The following ANKRD17 variants were observed in gnomAD, a reference collection of about 807,000 sequenced individuals.
ANKRD17 encodes the protein ankyrin repeat domain-containing protein 17.
A neutral mutation model predicts 229.7 loss-of-function variants in ANKRD17; 19 were observed. That is an observed-to-expected ratio of 0.08 (90% CI 0.06 to 0.12). The LOEUF is 0.12. ANKRD17 is among the 10% of genes least tolerant of loss of function. The pLI is 1.00. For missense variants in ANKRD17, 2,176 were observed against 3,176.8 expected, an observed-to-expected ratio of 0.68 and a Z score of 7.57; for synonymous variants, 1,112 against 1,146.1, an observed-to-expected ratio of 0.97 and a Z score of 0.60.
chr4:73,084,913 G>C (rs555242130), intron 30 of ANKRD17, among the ~76,000 whole-genome samples: 6 of 152,046 alleles, frequency 3.9e-5, no homozygotes, highest in Non-Finnish European at 8.8e-5. Context: ...GACAGGTGTG[G>C]TGGCTCACAC....
chr4:73,187,741 T>C (rs1222031846), intron 1 of ANKRD17, among the ~76,000 whole-genome samples: 2 of 152,348 alleles, frequency 1.3e-5, no homozygotes, highest in East Asian at 3.9e-4. Flanking sequence ...TTGTTCCAGA[T>C]GCCAAGAACC....
chr4:73,125,745 A>AAAAAG (rs71215488), intron 16 of ANKRD17, among the ~76,000 whole-genome samples: 48,626 of 143,648 alleles, frequency 0.34, 8,860 homozygotes, highest in South Asian at 0.44. Flanking sequence ...AAAAAAAAAA[A>AAAAAG]AAAAGAAAAG....
intron 1 of ANKRD17, among the ~76,000 whole-genome samples, chr4:73,226,861 C>T (rs1019541466): frequency 1.3e-5 from 2 of 151,996 alleles, no homozygotes; most frequent in South Asian, 2.1e-4. Context: ...ACTACAGGCA[C>T]GTGCCACAAT....
At chr4:73,254,143 C>A (rs1008803859) in intron 1 of ANKRD17, among the ~76,000 whole-genome samples, 3 of 152,282 alleles carry the variant, frequency 2.0e-5, no homozygotes, top group Admixed American at 6.5e-5. Flanking sequence ...ATTTAGATAG[C>A]ACTTTTCCAA....
In ANKRD17 at chr4:73,082,156, T is replaced by A. The variant is rs1286719109; in HGVS notation, c.7159+3093A>T. ...CAGAGAGATACATTATCTTTTTATT[T>A]AAAAAAAAAAAAAAAAAAAGGGGGG... On this transcript the variant is annotated intron_variant, in intron 30 of 33. Transcript: ENST00000358602. Among the ~76,000 whole-genome samples the A allele has an allele frequency of 1.8e-4, 23 of 129,074 alleles. No individual in the cohort carries two copies. In the South Asian group the frequency reaches 5.5e-3, roughly 31 times the overall value. The allele number at this position is 129,074 out of a possible 152,430, so 84.7% of individuals were successfully genotyped here.
chr4:73,169,832 A>T (rs1342405515), intron 2 of ANKRD17, among the ~76,000 whole-genome samples: 1 of 152,208 alleles, frequency 6.6e-6, no homozygotes, highest in Non-Finnish European at 1.5e-5. Context: ...CGGAGAGCAG[A>T]AACAGGCTGA....
chr4:73,101,523 G>A (rs10006547), intron 25 of ANKRD17, among the ~76,000 whole-genome samples: 68,580 of 151,642 alleles, frequency 0.45, 15,750 homozygotes, highest in Admixed American at 0.53. Flanking sequence ...AAATTAGGGG[G>A]ACATGGTGGC....
chr4:73,185,368 G>A lies in ANKRD17; in HGVS notation c.394-7835C>T, dbSNP rs375057912. The stretch of plus-strand genomic sequence containing the variant: ...ACTGAATCTCAAAAGCTGGTAATCT[G>A]AATTTTAAACCAGTAATCTACATTT... On this transcript the variant is annotated intron_variant, in intron 1 of 33. Coordinates refer to ENST00000358602, the MANE Select transcript of ANKRD17 (RefSeq NM_032217.5). Among the ~76,000 whole-genome samples the A allele has an allele frequency of 2.0e-5, 3 of 151,832 alleles. No individual in the cohort carries two copies. The East Asian group carries it at 5.8e-4, about 29-fold the overall frequency.
At chr4:73,086,934 A>C (rs1295827367) in intron 29 of ANKRD17, among the ~76,000 whole-genome samples, 1 of 75,762 alleles carries the variant, frequency 1.3e-5, no homozygotes, top group East Asian at 4.5e-4. Flanking sequence ...ATATATATAT[A>C]TATATATATA....
intron 1 of ANKRD17, among the ~76,000 whole-genome samples, chr4:73,208,324 T>G (rs997666457): frequency 1.3e-5 from 2 of 152,064 alleles, no homozygotes; most frequent in African/African-American, 4.8e-5. Flanking sequence ...ATAAACCATA[T>G]TCTGGGGCAT....
chr4:73,235,537 T>C (rs1482905037), intron 1 of ANKRD17, among the ~76,000 whole-genome samples: 1 of 152,234 alleles, frequency 6.6e-6, no homozygotes, highest in Non-Finnish European at 1.5e-5. Flanking sequence ...TTCAGAATTA[T>C]GACTTAATTC....
Position 73,258,566 on chromosome 4 carries a change from C to T in ANKRD17, c.103G>A (p.Val35Ile). The T allele has an allele frequency of 1.4e-6, 2 of 1,462,530 alleles. 1 individual carries two copies. Among genetic ancestry groups the T allele is most frequent in the South Asian group, 2.8e-5 (2 of 72,478 alleles). 90.6% of individuals were successfully genotyped at this position (1,462,530 alleles called of 1,614,324 possible). Residue 35 changes from valine to isoleucine, a missense_variant, in exon 1 of 34, where the codon GTC becomes ATC. Coordinates refer to ENST00000358602, the MANE Select transcript of ANKRD17 (RefSeq NM_032217.5). ...CTGCTGCCGCCAACGCCGCCGCCGA[C>T]CTCCGCCGCCGCGGGGGGGCCCGCC... ...AVAGPPAAAE[V>I]GGGVGGSSRA...
chr4:73,086,164 A>G (rs1374973219), intron 29 of ANKRD17, among the ~76,000 whole-genome samples: 4 of 152,222 alleles, frequency 2.6e-5, no homozygotes, highest in Admixed American at 2.6e-4. Context: ...TTTCCTTTAC[A>G]TGGGCTTTCT....
chr4:73,175,382 C>T (rs537513732), intron 2 of ANKRD17, among the ~76,000 whole-genome samples: 62 of 152,292 alleles, frequency 4.1e-4, no homozygotes, highest in African/African-American at 1.5e-3. Flanking sequence ...CCTCCCTTGA[C>T]ACATGGGGAT....
At chr4:73,168,211 G>C (rs1733496802) in intron 2 of ANKRD17, among the ~76,000 whole-genome samples, 2 of 151,908 alleles carry the variant, frequency 1.3e-5, no homozygotes, top group East Asian at 3.9e-4. Flanking sequence ...AAGCATTATT[G>C]AACAGTATTA....
At chr4:73,160,321 C>T (rs769005330) in intron 3 of ANKRD17, among the ~76,000 whole-genome samples, 39 of 148,468 alleles carry the variant, frequency 2.6e-4, no homozygotes, top group Non-Finnish European at 5.0e-4. Flanking sequence ...CAGGTTCAAG[C>T]GATTCTCCCG....
At chr4:73,207,313 A>G (rs1739601569) in intron 1 of ANKRD17, among the ~76,000 whole-genome samples, 1 of 152,204 alleles carries the variant, frequency 6.6e-6, no homozygotes, top group African/African-American at 2.4e-5. Context: ...TATATGAAAA[A>G]CAAATAAAAA....
At chr4:73,240,793 T>A (rs1743950149) in intron 1 of ANKRD17, among the ~76,000 whole-genome samples, 1 of 151,694 alleles carries the variant, frequency 6.6e-6, no homozygotes, top group Admixed American at 6.6e-5. Flanking sequence ...CTTATATAAA[T>A]TCAGTACTTA....
intron 1 of ANKRD17, among the ~76,000 whole-genome samples, chr4:73,233,845 G>A (rs1222320700): frequency 6.6e-6 from 1 of 152,098 alleles, no homozygotes; most frequent in Non-Finnish European, 1.5e-5. Context: ...CAACACAGCT[G>A]CTAAGAACTT....
Sources: allele counts gnomAD v4.1 joint callset (sites outside exome capture counted in the v4.1 genomes callset), GRCh38; gene constraint gnomAD v4.1.1; transcripts MANE v1.5; gene names NCBI Gene and HGNC (gene_info 2026-07-23, HGNC 2026-07-21).